The following CTSD variants were observed in gnomAD, a reference collection of about 807,000 sequenced individuals.
The protein encoded by CTSD is cathepsin D, also known as ceroid-lipofuscinosis, neuronal 10.
Under a neutral mutation model 43.6 loss-of-function variants are expected in CTSD, and 28 were observed. That is an observed-to-expected ratio of 0.64 (90% CI 0.48 to 0.88). CTSD has a LOEUF of 0.88. CTSD is among the 40% of genes least tolerant of loss of function. The pLI is 0.00. For missense variants in CTSD, 485 were observed against 555.2 expected (o/e 0.87, Z 1.27); for synonymous variants, 270 against 249.8 (o/e 1.08, Z -0.76).
At position 1,754,141 on chromosome 11, in the gene CTSD, G is replaced by T. The variant is rs1240200492; in HGVS notation, c.828-3C>A. 3 of 1,607,942 alleles carry T rather than the reference G, an allele frequency of 1.9e-6. No homozygotes were observed. Among genetic ancestry groups the T allele is most frequent in the Non-Finnish European group, 1.7e-6 (2 of 1,179,468 alleles). Reference sequence around the variant, plus strand: ...TCAGCCCGCTGGCCACCTCCACCCTGCGGGGAGTCAGGGCGTGAAGCCCCT... The same window carrying T: ...TCAGCCCGCTGGCCACCTCCACCCTTCGGGGAGTCAGGGCGTGAAGCCCCT... On this transcript the variant is annotated splice_polypyrimidine_tract_variant and splice_region_variant and intron_variant, in intron 6 of 8. Transcript: ENST00000236671.
Position 1,753,475 on chromosome 11 carries a change from C to G in CTSD, c.*28G>C, listed in dbSNP as rs904893649. Reference sequence around the variant, plus strand: ...CCTGCTCTGGGACTCTCCTCTGTTTCTGTGCTGGCGCGCGGACGCCTTGGG... The same window carrying G: ...CCTGCTCTGGGACTCTCCTCTGTTTGTGTGCTGGCGCGCGGACGCCTTGGG... On this transcript the variant is annotated 3_prime_UTR_variant, in exon 9 of 9. Coordinates refer to ENST00000236671, the MANE Select transcript of CTSD (RefSeq NM_001909.5). 1 of 1,612,796 alleles carries G rather than the reference C, an allele frequency of 6.2e-7. No homozygotes were observed.
At chr11:1,754,508 A>AGGGGTGGAGGGATGGAG (rs141422870) in intron 6 of CTSD, among the ~76,000 whole-genome samples, 1 of 24,464 alleles carries the variant, frequency 4.1e-5, no homozygotes, top group South Asian at 1.7e-3. Context: ...GTGGGGATGG[A>AGGGGTGGAGGGATGGAG]GGGATGGAGG....
chr11:1,756,968 A>C (rs1845817430), intron 5 of CTSD, among the ~76,000 whole-genome samples: 1 of 152,150 alleles, frequency 6.6e-6, no homozygotes, highest in Non-Finnish European at 1.5e-5. Context: ...ACATGTGCCC[A>C]TCACCAGGTC....
intron 6 of CTSD, among the ~76,000 whole-genome samples, chr11:1,754,439 A>G (rs1565019315): frequency 4.3e-4 from 40 of 93,792 alleles, no homozygotes; most frequent in Non-Finnish European, 7.2e-4. Flanking sequence ...GGAGGGATGG[A>G]GGGATGGAGG....
At chr11:1,754,882 G>A (rs369585732) in intron 6 of CTSD, 24 bp downstream of exon 6, 54 of 1,613,454 alleles carry the variant, frequency 3.3e-5, no homozygotes, top group South Asian at 2.2e-5. Flanking sequence ...GAACCCAGGG[G>A]AGCCGACTGC....
chr11:1,755,306 C>T, intron 5 of CTSD: 2 of 498,256 alleles, frequency 4.0e-6, no homozygotes, highest in Non-Finnish European at 7.4e-6. Flanking sequence ...TTCAGCCAGA[C>T]ATCAGGGTCA....
At position 1,763,891 on chromosome 11, in the gene CTSD, G is replaced by C; in HGVS notation, c.-32C>G. 1 of 1,513,788 alleles carries C rather than the reference G, an allele frequency of 6.6e-7. No homozygotes were observed. Among genetic ancestry groups the C allele is most frequent in the Non-Finnish European group, 8.8e-7 (1 of 1,135,148 alleles). 93.8% of individuals were successfully genotyped at this position (1,513,788 alleles called of 1,614,324 possible). On this transcript the variant is annotated 5_prime_UTR_variant, in exon 1 of 9. Transcript: ENST00000236671. ...GGCGGCCGGGTCGGAGAGGGTCGCC[G>C]AGGCCGTGCGCTTATAGCCGGGATG... is the stretch of plus-strand genomic sequence containing the variant.
intron 5 of CTSD, chr11:1,755,252 T>C (rs1235263143): frequency 6.6e-6 from 4 of 605,276 alleles, no homozygotes; most frequent in Non-Finnish European, 3.0e-6. Flanking sequence ...CAGAAGAGGT[T>C]TTCCTCAACC....
intron 6 of CTSD, among the ~76,000 whole-genome samples, chr11:1,754,463 AG>A (rs1227836052): frequency 5.2e-4 from 46 of 88,822 alleles, no homozygotes; most frequent in Non-Finnish European, 8.4e-4. Context: ...AGACAGATGG[AG>A]GGGATGGAGG....
At position 1,754,107 on chromosome 11, in the gene CTSD, T is replaced by C; in HGVS notation, c.859A>G (p.Lys287Glu). ...TCCACAATGGCCTCACAGCCCTCCT[T>C]GCACAGGGTCAGCCCGCTGGCCACC... ...VEVASGLTLC[K>E]EGCEAIVDTG... Residue 287 changes from lysine to glutamate, a missense_variant, in exon 7 of 9, where the codon AAG becomes GAG. Coordinates refer to ENST00000236671, the MANE Select transcript of CTSD (RefSeq NM_001909.5). The C allele has an allele frequency of 6.2e-7, 1 of 1,610,928 alleles. No homozygotes were observed. Among genetic ancestry groups the C allele is most frequent in the South Asian group, 1.1e-5 (1 of 91,048 alleles).
At chr11:1,757,940 C>T in intron 4 of CTSD, 1 of 331,516 alleles carries the variant, frequency 3.0e-6, no homozygotes, top group Admixed American at 4.5e-5. Flanking sequence ...AGATGGGGAA[C>T]CTGCCGACCC....
At chr11:1,754,283 C>G (rs1261150925) in intron 6 of CTSD, 145 bp from the exon 7 acceptor site, 7 of 937,258 alleles carry the variant, frequency 7.5e-6, no homozygotes, top group East Asian at 5.5e-5. Flanking sequence ...TGTAAGCCCT[C>G]CAGGGAAGAG....
In CTSD at chr11:1,754,698, G is replaced by A. The variant is rs930535695; in HGVS notation, c.827+208C>T. Among the ~76,000 whole-genome samples the A allele has an allele frequency of 4.6e-5, 7 of 150,974 alleles. No individual in the cohort carries two copies. In the East Asian group the frequency reaches 1.2e-3, roughly 26 times the overall value. On this transcript the variant is annotated intron_variant, in intron 6 of 8. Transcript: ENST00000236671. ...CATGGAGGAAATGGAGGGATGGAGGGATAGAGGGAATAGAGGGGATGGAGG... is the reference window on the plus strand; with the variant it reads ...CATGGAGGAAATGGAGGGATGGAGGAATAGAGGGAATAGAGGGGATGGAGG...
At chr11:1,759,677 G>A in intron 2 of CTSD, 38 bp from the exon 3 acceptor site, 1 of 1,595,238 alleles carries the variant, frequency 6.3e-7, no homozygotes, top group Non-Finnish European at 8.6e-7. Flanking sequence ...TGGGAGAGGG[G>A]GCCCCATCTC....
At chr11:1,762,617 A>AGGAAGC (rs1367489189) in intron 1 of CTSD, 1 of 152,220 alleles carries the variant, frequency 6.6e-6, no homozygotes, top group East Asian at 1.9e-4. Flanking sequence ...TCCAGGGACC[A>AGGAAGC]GGAAGCAGGT....
rs1328058006 is a variant in CTSD at position 1,757,576 on chromosome 11, C to G, written c.472-20G>C. 6.3e-7 allele frequency: 1 copy of G among 1,584,840 alleles called. No homozygotes were observed. Among genetic ancestry groups the G allele is most frequent in the South Asian group, 1.1e-5 (1 of 89,302 alleles). ...GGGCACCTGCAGGCCAGGGCAGAGT[C>G]AGTGGGCAGCAGACAGGCTGAGCCC... On this transcript the variant is annotated intron_variant, in intron 4 of 8. Transcript: ENST00000236671.
chr11:1,754,762 G>C (rs1454414430), intron 6 of CTSD, 144 bp downstream of exon 6: 1 of 1,032,874 alleles, frequency 9.7e-7, no homozygotes, highest in East Asian at 2.5e-5. Context: ...GGCATGGAGG[G>C]CTGGTCTGAC....
At chr11:1,759,438 A>T in intron 3 of CTSD, 78 bp downstream of exon 3, 1 of 1,596,392 alleles carries the variant, frequency 6.3e-7, no homozygotes, top group South Asian at 1.1e-5. Context: ...GCGTTGCCCA[A>T]GTGATTCCTG....
rs957827293 is a variant in CTSD at position 1,754,349 on chromosome 11, G to A, written c.828-211C>T. 9 of 610,514 alleles carry A rather than the reference G, an allele frequency of 1.5e-5. No individual in the cohort carries two copies. The African/African-American group carries it at 1.5e-4, about 10-fold the overall frequency. The allele number at this position is 610,514 out of a possible 1,614,324, so 37.8% of individuals were successfully genotyped here. The stretch of plus-strand genomic sequence containing the variant: ...GGGTGGGAGACCCTCAGGTGGTGGT[G>A]AGGGGCATGGAGGGATGGAGGGGAT... On this transcript the variant is annotated intron_variant, in intron 6 of 8. Transcript: ENST00000236671.
Sources: allele counts gnomAD v4.1 joint callset (sites outside exome capture counted in the v4.1 genomes callset), GRCh38; gene constraint gnomAD v4.1.1; transcripts MANE v1.5; gene names NCBI Gene and HGNC (gene_info 2026-07-23, HGNC 2026-07-21).